ARHGAP28: variants seen among roughly 807,000 people sequenced by gnomAD.
The protein encoded by ARHGAP28 is Rho GTPase activating protein 28.
A neutral mutation model predicts 90.7 loss-of-function variants in ARHGAP28; 56 were observed. The ratio of observed to expected loss-of-function variants is 0.62; its 90% CI spans 0.50 to 0.77. The LOEUF (loss-of-function observed/expected upper bound fraction) is 0.77, where lower values mean the gene tolerates loss of function less well. Ranked by LOEUF, ARHGAP28 falls within the 30% of genes least tolerant of loss-of-function variation. The pLI is 0.00. For synonymous variants in ARHGAP28, 308 were observed against 323.3 expected, an observed-to-expected ratio of 0.95 and a Z score of 0.51; for missense variants, 869 against 900.9, an observed-to-expected ratio of 0.96 and a Z score of 0.45.
intron 3 of ARHGAP28, among the ~76,000 whole-genome samples, chr18:6,841,132 TC>T (rs2056805804): frequency 5.4e-5 from 8 of 146,996 alleles, no homozygotes; most frequent in African/African-American, 7.7e-5. Context: ...TCTCTCTCTC[TC>T]CTCTCTCACT....
At position 6,914,399 on chromosome 18, in the gene ARHGAP28, C is replaced by T. The variant is rs181197885; in HGVS notation, c.*2245C>T. On this transcript the variant is annotated 3_prime_UTR_variant, in exon 18 of 18. Transcript: ENST00000383472. ...GTATGTATGGAAGGCCATGTCAATA[C>T]TAGTATCATTGGATATAACTTTGAT... 1 of 152,256 alleles carries T rather than the reference C, an allele frequency of 6.6e-6. No homozygotes were observed. The highest frequency in any genetic ancestry group is 1.9e-4 in the East Asian group (1 of 5,172). The allele number at this position is 152,256 out of a possible 1,614,324, so 9.4% of individuals were successfully genotyped here.
At chr18:6,855,241 A>T (rs1311199994) in intron 4 of ARHGAP28, among the ~76,000 whole-genome samples, 1 of 152,308 alleles carries the variant, frequency 6.6e-6, no homozygotes, top group East Asian at 1.9e-4. Context: ...AAGTCTGCTG[A>T]CCAGAGTGAG....
At chr18:6,734,937 C>T (rs2055913276) in intron 1 of ARHGAP28, among the ~76,000 whole-genome samples, 1 of 152,192 alleles carries the variant, frequency 6.6e-6, no homozygotes, top group Non-Finnish European at 1.5e-5. Flanking sequence ...AGCGTAGATT[C>T]CTCCATATGC....
intron 1 of ARHGAP28, among the ~76,000 whole-genome samples, chr18:6,756,573 G>T (rs983819480): frequency 6.6e-6 from 1 of 152,264 alleles, no homozygotes. Context: ...TATAGTCAGG[G>T]TTTTCTAGAA....
At chr18:6,901,824 C>T (rs1333854728) in intron 16 of ARHGAP28, among the ~76,000 whole-genome samples, 5 of 152,112 alleles carry the variant, frequency 3.3e-5, no homozygotes, top group African/African-American at 1.2e-4. Context: ...TGTATTCTCT[C>T]ATAATTCAGG....
At chr18:6,746,182 T>C (rs566313721) in intron 1 of ARHGAP28, among the ~76,000 whole-genome samples, 21 of 152,306 alleles carry the variant, frequency 1.4e-4, no homozygotes, top group African/African-American at 5.1e-4. Context: ...ATACATTTCT[T>C]TAAACCTCTA....
chr18:6,904,460 G>A (rs945406505), intron 16 of ARHGAP28, among the ~76,000 whole-genome samples: 1 of 152,150 alleles, frequency 6.6e-6, no homozygotes, highest in African/African-American at 2.4e-5. Flanking sequence ...GCTGTGCTGA[G>A]AGAAGAATTT....
intron 15 of ARHGAP28, among the ~76,000 whole-genome samples, chr18:6,895,686 A>ACTCC (rs1435493348): frequency 6.6e-6 from 1 of 152,172 alleles, no homozygotes; most frequent in Non-Finnish European, 1.5e-5. Context: ...GATTAAGGGC[A>ACTCC]CTCCCTACTG....
chr18:6,911,778 A>G (rs2057400854), intron 17 of ARHGAP28, among the ~76,000 whole-genome samples: 1 of 152,036 alleles, frequency 6.6e-6, no homozygotes, highest in Non-Finnish European at 1.5e-5. Flanking sequence ...CAAGGGAACA[A>G]TTTGCCTGTG....
At chr18:6,808,969 G>T (rs762839546) in intron 1 of ARHGAP28, among the ~76,000 whole-genome samples, 5 of 152,168 alleles carry the variant, frequency 3.3e-5, no homozygotes, top group Non-Finnish European at 7.4e-5. Flanking sequence ...TCTCTTCATT[G>T]ATTTTATTTT....
intron 1 of ARHGAP28, among the ~76,000 whole-genome samples, chr18:6,792,623 G>A (rs1249920240): frequency 1.3e-5 from 2 of 152,188 alleles, no homozygotes; most frequent in African/African-American, 4.8e-5. Context: ...GTGCAAGGGG[G>A]AAGCAAGTGT....
At chr18:6,786,596 A>C (rs928677671) in intron 1 of ARHGAP28, among the ~76,000 whole-genome samples, 5 of 152,130 alleles carry the variant, frequency 3.3e-5, no homozygotes, top group Non-Finnish European at 7.3e-5. Flanking sequence ...TCATTCTTTG[A>C]AACTATTATT....
chr18:6,819,212 T>G (rs2056610829), intron 1 of ARHGAP28, among the ~76,000 whole-genome samples: 1 of 152,204 alleles, frequency 6.6e-6, no homozygotes, highest in South Asian at 2.1e-4. Context: ...CATAAACAAA[T>G]GCAACTTTTT....
At chr18:6,784,485 C>T (rs920545782) in intron 1 of ARHGAP28, among the ~76,000 whole-genome samples, 4 of 152,186 alleles carry the variant, frequency 2.6e-5, no homozygotes, top group Non-Finnish European at 5.9e-5. Flanking sequence ...CCTTCCTACC[C>T]TCCACTACAG....
chr18:6,892,322 A>T (rs1166136288), intron 14 of ARHGAP28, among the ~76,000 whole-genome samples: 3 of 151,710 alleles, frequency 2.0e-5, no homozygotes, highest in African/African-American at 7.3e-5. Context: ...CTAATTTTTT[A>T]AATATTTTTA....
chr18:6,874,510 C>T (rs1436553159), intron 9 of ARHGAP28: 1 of 152,156 alleles, frequency 6.6e-6, no homozygotes, highest in East Asian at 1.9e-4. Context: ...TCAACAGTGA[C>T]ATCCAGTGGC....
At chr18:6,787,219 TAAA>T (rs11350947) in intron 1 of ARHGAP28, among the ~76,000 whole-genome samples, 1,691 of 94,532 alleles carry the variant, frequency 0.018, 42 homozygotes, top group African/African-American at 0.065. Flanking sequence ...AAACTCCATT[TAAA>T]AAAAAAAAAA....
chr18:6,747,058 A>T (rs1255439961), intron 1 of ARHGAP28, among the ~76,000 whole-genome samples: 6 of 145,310 alleles, frequency 4.1e-5, no homozygotes, highest in Non-Finnish European at 7.5e-5. Flanking sequence ...CAGTTCATTC[A>T]TCCATTTATT....
chr18:6,911,695 C>T (rs12456696), intron 17 of ARHGAP28, among the ~76,000 whole-genome samples: 39,850 of 152,026 alleles, frequency 0.26, 5,490 homozygotes, highest in Non-Finnish European at 0.3. Flanking sequence ...CTCAGCCTCC[C>T]AAAGTGCTGG....
Sources: gnomAD v4.1 joint callset for allele counts (sites outside exome capture counted in the v4.1 genomes callset) on GRCh38, gnomAD v4.1.1 for gene constraint, MANE v1.5 for transcripts, NCBI Gene and HGNC (gene_info 2026-07-23, HGNC 2026-07-21) for gene names.